Variants in EPB41L3 observed in about 807,000 individuals in gnomAD.
The protein encoded by EPB41L3 is band 4.1-like protein 3.
A neutral mutation model predicts 127.1 loss-of-function variants in EPB41L3; 57 were observed. The ratio of observed to expected loss-of-function variants is 0.45; its 90% confidence interval spans 0.36 to 0.56. The LOEUF (loss-of-function observed/expected upper bound fraction) is 0.56, where lower values mean the gene tolerates loss of function less well. EPB41L3 is among the 20% of genes least tolerant of loss of function. The pLI, the probability that EPB41L3 is intolerant of heterozygous loss-of-function variation, is 0.00. For missense variants in EPB41L3, 1,273 were observed against 1,372.2 expected, an observed-to-expected ratio of 0.93 and a Z score of 1.14; for synonymous variants, 572 against 549.5, an observed-to-expected ratio of 1.04 and a Z score of -0.57.
intron 3 of EPB41L3, among the ~76,000 whole-genome samples, chr18:5,556,694 T>C (rs1476662300): frequency 2.0e-5 from 3 of 152,124 alleles, no homozygotes; most frequent in Non-Finnish European, 4.4e-5. Context: ...CCATGGACCA[T>C]TGTGGGGAAC....
intron 3 of EPB41L3, among the ~76,000 whole-genome samples, chr18:5,476,576 A>T (rs993484384): frequency 1.3e-5 from 2 of 152,230 alleles, no homozygotes; most frequent in Non-Finnish European, 2.9e-5. Context: ...AGACTCTGAT[A>T]GCTAGGACTC....
chr18:5,566,723 C>CATTCTATTGT, intron 3 of EPB41L3, among the ~76,000 whole-genome samples: 1 of 112,416 alleles, frequency 8.9e-6, no homozygotes, highest in East Asian at 2.8e-4. Context: ...TTTTCTATTC[C>CATTCTATTGT]ATTCTATTCT....
At position 5,445,125 on chromosome 18, in the gene EPB41L3, C is replaced by T. The variant is rs1172981163; in HGVS notation, c.486+15G>A. 2 of 1,606,572 alleles carry T rather than the reference C, an allele frequency of 1.2e-6. No individual in the cohort carries two copies. The highest frequency in any genetic ancestry group is 1.7e-5 in the Admixed American group (1 of 60,008). On this transcript the variant is annotated intron_variant, in intron 4 of 22. Transcript: ENST00000341928. ...GTTCAAGCCATCTTATTTTGCATTGCTTTTGATCACTCACCTTCTGGTTTT... is the reference window on the plus strand; with the variant it reads ...GTTCAAGCCATCTTATTTTGCATTGTTTTTGATCACTCACCTTCTGGTTTT...
rs79592897 is a variant in EPB41L3 at position 5,396,259 on chromosome 18, G to T, written c.2915C>A (p.Thr972Lys). 5 of 1,614,176 alleles carry T rather than the reference G, an allele frequency of 3.1e-6. No individual in the cohort carries two copies. The South Asian group carries it at 4.4e-5, about 14-fold the overall frequency. The change falls in exon 19 of 23, where the codon ACG (threonine) becomes AAG (lysine). Residue 972 changes from threonine (T) to lysine (K), a missense_variant. Physicochemically the swap from Thr to Lys is moderately conservative, Grantham distance 78. This residue lies in a region of EPB41L3 where 765 missense variants were observed against 782.9 expected (regional missense o/e 0.98). Transcript: ENST00000341928. ...SPGGVKLEISTKEVPVVHTET... is the reference protein window; with the variant it reads ...SPGGVKLEISKKEVPVVHTET... ...GGTGTGAACTACTGGCACTTCCTTC[G>T]TGGAAATTTCTAGCTTTACTCCTCC...
intron 5 of EPB41L3, among the ~76,000 whole-genome samples, chr18:5,441,562 T>C (rs1215164251): frequency 6.6e-6 from 1 of 151,088 alleles, no homozygotes; most frequent in Non-Finnish European, 1.5e-5. Flanking sequence ...GCCTCCCGGG[T>C]TCACGCCATT....
chr18:5,504,234 C>T (rs2148560066), intron 1 of EPB41L3, among the ~76,000 whole-genome samples: 1 of 152,284 alleles, frequency 6.6e-6, no homozygotes, highest in Non-Finnish European at 1.5e-5. Context: ...CTCCACAAAA[C>T]CTTGCTGAAC....
At chr18:5,458,577 G>A (rs978922612) in intron 3 of EPB41L3, among the ~76,000 whole-genome samples, 1 of 151,982 alleles carries the variant, frequency 6.6e-6, no homozygotes, top group African/African-American at 2.4e-5. Flanking sequence ...GATGTGTCTT[G>A]GATTCCCTTC....
intron 1 of EPB41L3, among the ~76,000 whole-genome samples, chr18:5,526,723 T>C (rs1337483101): frequency 6.6e-6 from 1 of 152,212 alleles, no homozygotes; most frequent in Non-Finnish European, 1.5e-5. Context: ...TGAGAAATTC[T>C]TCAAAACTAA....
intron 1 of EPB41L3, among the ~76,000 whole-genome samples, chr18:5,615,446 G>A (rs931869903): frequency 3.3e-5 from 5 of 152,014 alleles, no homozygotes; most frequent in African/African-American, 1.2e-4. Flanking sequence ...GATACATGGG[G>A]GAGGTGGGGA....
At chr18:5,434,542 T>C (rs1390636639) in intron 6 of EPB41L3, among the ~76,000 whole-genome samples, 2 of 152,198 alleles carry the variant, frequency 1.3e-5, no homozygotes, top group African/African-American at 2.4e-5. Flanking sequence ...CAAAACGATG[T>C]TGCAGTCAAT....
intron 22 of EPB41L3, 162 bp downstream of exon 22, chr18:5,394,515 T>C: frequency 1.7e-6 from 1 of 581,812 alleles, no homozygotes; most frequent in Non-Finnish European, 3.0e-6. Flanking sequence ...GCTCCAAATG[T>C]GAGACAAACC....
intron 1 of EPB41L3, among the ~76,000 whole-genome samples, chr18:5,509,172 G>C (rs1010935709): frequency 6.6e-6 from 1 of 152,208 alleles, no homozygotes; most frequent in African/African-American, 2.4e-5. Context: ...CTCCTTTCAG[G>C]ATTTCTGAGA....
At chr18:5,451,616 G>A (rs2082287015) in intron 3 of EPB41L3, among the ~76,000 whole-genome samples, 1 of 152,216 alleles carries the variant, frequency 6.6e-6, no homozygotes, top group African/African-American at 2.4e-5. Flanking sequence ...ATCTTTCACA[G>A]GGCCTCTTTC....
intron 1 of EPB41L3, among the ~76,000 whole-genome samples, chr18:5,506,513 C>T (rs2092215632): frequency 6.6e-6 from 1 of 152,144 alleles, no homozygotes; most frequent in Non-Finnish European, 1.5e-5. Flanking sequence ...CCCTGTCTAC[C>T]CCTCCTGGCT....
rs865941165 is a variant in EPB41L3 at position 5,578,609 on chromosome 18, T to C, written c.-306+33731A>G. On this transcript the variant is annotated intron_variant, in intron 3 of 21. Transcript: ENST00000545076. ...TGATCAAAGGATAAGAATAGACATTTTGTGGCAGGGAAAGCACATCATGCC... is the reference window on the plus strand; with the variant it reads ...TGATCAAAGGATAAGAATAGACATTCTGTGGCAGGGAAAGCACATCATGCC... Among the ~76,000 whole-genome samples the C allele has an allele frequency of 4.6e-5, 7 of 152,292 alleles. No individual in the cohort carries two copies. The Middle Eastern group carries it at 0.01, about 222-fold the overall frequency.
intron 1 of EPB41L3, among the ~76,000 whole-genome samples, chr18:5,533,499 G>A (rs773031552): frequency 2.4e-4 from 37 of 152,178 alleles, no homozygotes; most frequent in Non-Finnish European, 4.0e-4. Context: ...CATTTGTAAA[G>A]AAAGCTTTTA....
At chr18:5,497,923 G>A (rs2091329750) in intron 1 of EPB41L3, among the ~76,000 whole-genome samples, 1 of 152,130 alleles carries the variant, frequency 6.6e-6, no homozygotes. Flanking sequence ...GACATAATTT[G>A]GCAGAGAATT....
chr18:5,492,471 C>A (rs1209120735), intron 1 of EPB41L3, among the ~76,000 whole-genome samples: 1 of 121,298 alleles, frequency 8.2e-6, no homozygotes, highest in Non-Finnish European at 1.6e-5. Context: ...GGTTCTTTTT[C>A]TTATACTCAT....
chr18:5,606,237 C>T (rs2094650235), intron 3 of EPB41L3, among the ~76,000 whole-genome samples: 1 of 152,006 alleles, frequency 6.6e-6, no homozygotes, highest in Non-Finnish European at 1.5e-5. Context: ...GAAAATAAAG[C>T]AAAGAGCAGC....
Sources: allele counts gnomAD v4.1 joint callset (sites outside exome capture counted in the v4.1 genomes callset), GRCh38; gene constraint gnomAD v4.1.1; regional missense constraint gnomAD v4.1.1; transcripts MANE v1.5; gene names NCBI Gene and HGNC (gene_info 2026-07-23, HGNC 2026-07-21).